SIRPA: variants seen among roughly 807,000 people sequenced by gnomAD.
SIRPA encodes the protein signal regulatory protein alpha.
SIRPA carries 9 observed loss-of-function variants against 50.3 expected under a neutral mutation model. The ratio of observed to expected loss-of-function variants is 0.18; its 90% CI spans 0.11 to 0.31. SIRPA has a LOEUF of 0.31. SIRPA is among the 10% of genes least tolerant of loss of function. The pLI is 1.00. For missense variants in SIRPA, 474 were observed against 661.6 expected (o/e 0.72, Z 3.11); for synonymous variants, 265 against 284.1 (o/e 0.93, Z 0.68).
chr20:1,936,846 A>C lies in SIRPA; in HGVS notation c.1267-474A>C, dbSNP rs993181361. Among the ~76,000 whole-genome samples the C allele has an allele frequency of 7.2e-5, 11 of 152,214 alleles. No homozygotes were observed. Among genetic ancestry groups the C allele is most frequent in the Admixed American group, 3.3e-4 (5 of 15,270 alleles). ...TGTGATGGAAAACAAACATGGGCTG[A>C]GGAAGCACAAAGAAGGAACATGGAC... On this transcript the variant is annotated intron_variant, in intron 7 of 7. Transcript: ENST00000358771. The surrounding 1 kb of genome is among the most constrained non-coding windows in gnomAD (Gnocchi z 4.2).
In SIRPA at chr20:1,937,012, C is replaced by CTGCA. The variant is rs1432503920; in HGVS notation, c.1267-307_1267-304dup. Reference sequence around the variant, plus strand: ...GATGAACATGAGAAATGGGTGAAGACTGCAGGTGGTTCAGGCTAGGAGGAG... The same window carrying CTGCA: ...GATGAACATGAGAAATGGGTGAAGACTGCATGCAGGTGGTTCAGGCTAGGAGGAG... On this transcript the variant is annotated intron_variant, in intron 7 of 7. Transcript: ENST00000358771. This position sits in a 1 kb window ranked among gnomAD's most constrained non-coding sequence, Gnocchi z 8.3. Among the ~76,000 whole-genome samples, 1 of 152,110 alleles carries CTGCA rather than the reference C, an allele frequency of 6.6e-6. No homozygotes were observed. Among genetic ancestry groups the CTGCA allele is most frequent in the Non-Finnish European group, 1.5e-5 (1 of 68,026 alleles).
Position 1,898,272 on chromosome 20 carries a change from G to A in SIRPA, c.79+2746G>A, listed in dbSNP as rs868333234. Among the ~76,000 whole-genome samples, 26 of 152,184 alleles carry A rather than the reference G, an allele frequency of 1.7e-4. No individual in the cohort carries two copies. Among genetic ancestry groups the A allele is most frequent in the Admixed American group, 4.6e-4 (7 of 15,278 alleles). The stretch of plus-strand genomic sequence containing the variant: ...CTTTCGTAAGAAGAGAAAACGGGGC[G>A]GGAGTGCTTTGGCTCAACACATCAG... On this transcript the variant is annotated intron_variant, in intron 1 of 7. Transcript: ENST00000358771. The surrounding 1 kb of genome is among the most constrained non-coding windows in gnomAD (Gnocchi z 4.3).
At chr20:1,900,558 A>G (rs960479534) in intron 1 of SIRPA, among the ~76,000 whole-genome samples, 6 of 152,176 alleles carry the variant, frequency 3.9e-5, no homozygotes, top group African/African-American at 1.4e-4. Flanking sequence ...CGGACCTGCA[A>G]AGCAGTAGGG....
At chr20:1,930,437 A>G (rs1476362770) in intron 6 of SIRPA, among the ~76,000 whole-genome samples, 1 of 152,216 alleles carries the variant, frequency 6.6e-6, no homozygotes, top group Non-Finnish European at 1.5e-5. Flanking sequence ...GAACAAGTGA[A>G]CAAACGAATG....
At chr20:1,903,929 G>C (rs2123007016) in intron 1 of SIRPA, among the ~76,000 whole-genome samples, 1 of 152,270 alleles carries the variant, frequency 6.6e-6, no homozygotes, top group South Asian at 2.1e-4. Context: ...CTGCACGAGA[G>C]ATGGGCTATG....
chr20:1,917,214 G>A (rs1173766280), intron 2 of SIRPA, among the ~76,000 whole-genome samples: 1 of 152,100 alleles, frequency 6.6e-6, no homozygotes, highest in Non-Finnish European at 1.5e-5. Context: ...TTTATAACAA[G>A]TACTTATGAA....
At chr20:1,900,226 G>C (rs1479249461) in intron 1 of SIRPA, among the ~76,000 whole-genome samples, 1 of 150,696 alleles carries the variant, frequency 6.6e-6, no homozygotes, top group Non-Finnish European at 1.5e-5. Context: ...TCAGCCTCCC[G>C]AGTAGCTGGG....
At chr20:1,912,994 T>C (rs2123073585) in intron 1 of SIRPA, among the ~76,000 whole-genome samples, 1 of 152,352 alleles carries the variant, frequency 6.6e-6, no homozygotes, top group Middle Eastern at 3.4e-3. Flanking sequence ...CGTCTGATGC[T>C]GGCTGGGCCT....
chr20:1,920,584 G>T (rs1481487114), intron 2 of SIRPA, among the ~76,000 whole-genome samples: 3 of 152,254 alleles, frequency 2.0e-5, no homozygotes, highest in Non-Finnish European at 4.4e-5. Flanking sequence ...TCCACACTTG[G>T]TGATCTTTAG....
chr20:1,926,006 A>G (rs573490223), intron 5 of SIRPA, among the ~76,000 whole-genome samples: 1 of 152,292 alleles, frequency 6.6e-6, no homozygotes, highest in African/African-American at 2.4e-5. Flanking sequence ...ACCGCCTCCA[A>G]AGGGACAAGT....
At chr20:1,913,056 G>A (rs1261606002) in intron 1 of SIRPA, among the ~76,000 whole-genome samples, 1 of 152,168 alleles carries the variant, frequency 6.6e-6, no homozygotes, top group Non-Finnish European at 1.5e-5. Flanking sequence ...TTTTTCTCCT[G>A]TGCCATGAAG....
chr20:1,929,014 C>T (rs1222531630), intron 6 of SIRPA, among the ~76,000 whole-genome samples: 1 of 152,120 alleles, frequency 6.6e-6, no homozygotes, highest in Non-Finnish European at 1.5e-5. Context: ...CTATAAATAG[C>T]TTCATGTTGG....
intron 1 of SIRPA, among the ~76,000 whole-genome samples, chr20:1,899,878 G>A (rs1315654883): frequency 6.6e-6 from 1 of 152,188 alleles, no homozygotes; most frequent in African/African-American, 2.4e-5. Context: ...GTATAATGCT[G>A]GAAGCCATGC....
chr20:1,925,198 G>A (rs910802028), intron 5 of SIRPA, among the ~76,000 whole-genome samples: 4 of 152,182 alleles, frequency 2.6e-5, no homozygotes, highest in Non-Finnish European at 4.4e-5. Flanking sequence ...GGAGGACATC[G>A]TCTTTCCCAG....
chr20:1,929,946 C>T (rs1986205163), intron 6 of SIRPA, among the ~76,000 whole-genome samples: 1 of 152,126 alleles, frequency 6.6e-6, no homozygotes, highest in African/African-American at 2.4e-5. Flanking sequence ...CTAGCCACCC[C>T]CTGTCCTCAC....
intron 1 of SIRPA, among the ~76,000 whole-genome samples, chr20:1,897,719 C>T (rs903218479): frequency 1.3e-5 from 2 of 150,416 alleles, no homozygotes; most frequent in African/African-American, 4.9e-5. Flanking sequence ...ATTCCTGTGT[C>T]TTCACATGAT....
chr20:1,909,793 A>G (rs1984780279), intron 1 of SIRPA, among the ~76,000 whole-genome samples: 1 of 152,264 alleles, frequency 6.6e-6, no homozygotes, highest in Admixed American at 6.5e-5. Context: ...AAAAGAAAAA[A>G]AAAGTATCCA....
rs183068731 is a variant in SIRPA at position 1,933,638 on chromosome 20, C to T, written c.1227-1077C>T. ...GCTCCTGGAGGGTTCTTTCTGTGGC[C>T]ACGTGGGGCTTGTCATGTCTCAGAA... On this transcript the variant is annotated intron_variant, in intron 6 of 7. Coordinates refer to ENST00000358771, the MANE Select transcript of SIRPA (RefSeq NM_001040023.2). The surrounding 1 kb of genome is among the most constrained non-coding windows in gnomAD (Gnocchi z 4.4). 2.1e-3 allele frequency among the ~76,000 whole-genome samples: 322 copies of T among 152,298 alleles called. 7 individuals carry two copies. Among genetic ancestry groups the T allele is most frequent in the Admixed American group, 0.02 (310 of 15,302 alleles).
rs1210773918 is a variant in SIRPA at position 1,927,929 on chromosome 20, G to A, written c.1226+30G>A. On this transcript the variant is annotated intron_variant, in intron 6 of 7. Transcript: ENST00000358771. This position sits in a 1 kb window ranked among gnomAD's most constrained non-coding sequence, Gnocchi z 6.5. Reference sequence around the variant, plus strand: ...GTGCATCATTGGTCCAGACCCTCTTGCAGTTATTATTTGGTTATTTGACAG... The same window carrying A: ...GTGCATCATTGGTCCAGACCCTCTTACAGTTATTATTTGGTTATTTGACAG... 1 of 1,604,738 alleles carries A rather than the reference G, an allele frequency of 6.2e-7. No homozygotes were observed. Among genetic ancestry groups the A allele is most frequent in the African/African-American group, 1.3e-5 (1 of 74,770 alleles).
Sources: allele counts gnomAD v4.1 joint callset (sites outside exome capture counted in the v4.1 genomes callset), GRCh38; gene constraint gnomAD v4.1.1; non-coding constraint Gnocchi (gnomAD v3.1); transcripts MANE v1.5; gene names NCBI Gene and HGNC (gene_info 2026-07-23, HGNC 2026-07-21).